Variants in CCDC149 observed in about 807,000 individuals in gnomAD.
The protein encoded by CCDC149 is coiled-coil domain containing 149.
Under a neutral mutation model 59.9 loss-of-function variants are expected in CCDC149, and 45 were observed. The observed-to-expected ratio is 0.75, with a 90% CI of 0.59 to 0.96. The LOEUF (loss-of-function observed/expected upper bound fraction) is 0.96, where lower values mean the gene tolerates loss of function less well. CCDC149 is among the 40% of genes least tolerant of loss of function. CCDC149 has a pLI of 0.00. For missense variants in CCDC149, 584 were observed against 664.7 expected (o/e 0.88, Z 1.33); for synonymous variants, 245 against 260.6 (o/e 0.94, Z 0.58).
intron 1 of CCDC149, among the ~76,000 whole-genome samples, chr4:24,881,869 G>A (rs190617534): frequency 6.6e-6 from 1 of 152,166 alleles, no homozygotes; most frequent in Non-Finnish European, 1.5e-5. Flanking sequence ...AGGAAGTGAG[G>A]CTTAAATGAA....
intron 1 of CCDC149, among the ~76,000 whole-genome samples, chr4:24,935,862 T>G (rs1722724653): frequency 6.6e-6 from 1 of 152,120 alleles, no homozygotes; most frequent in Non-Finnish European, 1.5e-5. Flanking sequence ...TAGCTGGTAT[T>G]TAAAACCATG....
chr4:24,955,793 A>G (rs982765051), intron 1 of CCDC149, among the ~76,000 whole-genome samples: 1 of 152,196 alleles, frequency 6.6e-6, no homozygotes, highest in Non-Finnish European at 1.5e-5. Context: ...AGAGTGATGG[A>G]GATATGGTGG....
chr4:24,847,286 T>C (rs1160704571), intron 4 of CCDC149, among the ~76,000 whole-genome samples: 2 of 152,188 alleles, frequency 1.3e-5, no homozygotes, highest in African/African-American at 2.4e-5. Context: ...CAGCAACACT[T>C]ACCCTCTGTT....
Position 24,808,265 on chromosome 4 carries a change from G to A in CCDC149, c.*124C>T, listed in dbSNP as rs1238728044. 9.6e-6 allele frequency: 8 copies of A among 837,644 alleles called. No individual in the cohort carries two copies. The highest frequency in any genetic ancestry group is 3.6e-5 in the Admixed American group (1 of 27,854). 51.9% of individuals were successfully genotyped at this position (837,644 alleles called of 1,614,324 possible). A position where few individuals can be genotyped will look rare whatever the true frequency, so the allele number is the denominator to read the frequency against. On this transcript the variant is annotated 3_prime_UTR_variant, in exon 13 of 13. Coordinates refer to ENST00000635206, the MANE Select transcript of CCDC149 (RefSeq NM_001330643.2). ...TCACAGTTTGCAACAGGATCAGTGC[G>A]TTTTCTCACTTGCAGACTCGGAGGT...
chr4:24,952,556 A>G, intron 1 of CCDC149, among the ~76,000 whole-genome samples: 1 of 138,424 alleles, frequency 7.2e-6, no homozygotes, highest in Non-Finnish European at 1.5e-5. Flanking sequence ...AGATCACACT[A>G]CTGCACTCCA....
intron 1 of CCDC149, among the ~76,000 whole-genome samples, chr4:24,931,846 T>C (rs867736969): frequency 7.4e-6 from 1 of 135,910 alleles, no homozygotes; most frequent in African/African-American, 2.8e-5. Context: ...TATATATATA[T>C]ATATATGCAT....
At chr4:24,838,066 C>A in intron 5 of CCDC149, 90 bp downstream of exon 5, 2 of 1,029,528 alleles carry the variant, frequency 1.9e-6, no homozygotes, top group Non-Finnish European at 3.1e-6. Flanking sequence ...ACCCCATACT[C>A]TGAGAAACGA....
At chr4:24,886,996 A>G (rs1720222096) in intron 1 of CCDC149, among the ~76,000 whole-genome samples, 1 of 151,998 alleles carries the variant, frequency 6.6e-6, no homozygotes, top group African/African-American at 2.4e-5. Flanking sequence ...TTTCAATTAC[A>G]TTTTTAAAGC....
chr4:24,813,343 T>A (rs1714753345), intron 12 of CCDC149, among the ~76,000 whole-genome samples: 1 of 151,748 alleles, frequency 6.6e-6, no homozygotes, highest in Non-Finnish European at 1.5e-5. Flanking sequence ...TGGTAGTCTG[T>A]TACAGCAGCC....
At chr4:24,894,218 C>T (rs1232964878) in intron 1 of CCDC149, among the ~76,000 whole-genome samples, 1 of 152,094 alleles carries the variant, frequency 6.6e-6, no homozygotes, top group African/African-American at 2.4e-5. Flanking sequence ...TTGAAAATTA[C>T]ATTAAAAAAT....
chr4:24,809,139 A>G (rs951135994), intron 12 of CCDC149, among the ~76,000 whole-genome samples: 2 of 152,134 alleles, frequency 1.3e-5, no homozygotes, highest in Non-Finnish European at 2.9e-5. Flanking sequence ...CCCATTAAAT[A>G]TTTAAATTGA....
In CCDC149 at chr4:24,835,066, C is replaced by A. The variant is rs371344940; in HGVS notation, c.736-34G>T. 11 of 1,520,562 alleles carry A rather than the reference C, an allele frequency of 7.2e-6. No homozygotes were observed. The African/African-American group carries it at 1.4e-4, about 19-fold the overall frequency. The allele number at this position is 1,520,562 out of a possible 1,614,324, so 94.2% of individuals were successfully genotyped here. A position where few individuals can be genotyped will look rare whatever the true frequency, so the allele number is the denominator to read the frequency against. ...GGATTGGGAGAGAATAAAAACCCGT[C>A]AGAAAAGCCAACAATGGAAAAGTAC... On this transcript the variant is annotated intron_variant, in intron 7 of 12. Transcript: ENST00000635206.
chr4:24,942,182 A>G (rs1456298703), intron 1 of CCDC149, among the ~76,000 whole-genome samples: 1 of 152,230 alleles, frequency 6.6e-6, no homozygotes. Flanking sequence ...GCAACACATC[A>G]AAAAGCTTAT....
chr4:24,941,691 G>A (rs534071691), intron 1 of CCDC149, among the ~76,000 whole-genome samples: 5 of 151,864 alleles, frequency 3.3e-5, no homozygotes, highest in African/African-American at 4.8e-5. Context: ...TCAAATAGAC[G>A]CAATAAAAAA....
rs890560670 is a variant in CCDC149, at chr4:24,807,471, A to G, written c.*918T>C. ...CTGTTGAAGGAGTGAAGGGTTTGGA[A>G]GTTCCAGGTGGTGCAGGAAACTAGA... On this transcript the variant is annotated 3_prime_UTR_variant, in exon 13 of 13. Coordinates refer to ENST00000635206, the MANE Select transcript of CCDC149 (RefSeq NM_001330643.2). 4 of 152,208 alleles carry G rather than the reference A, an allele frequency of 2.6e-5. No homozygotes were observed. Among genetic ancestry groups the G allele is most frequent in the African/African-American group, 9.7e-5 (4 of 41,442 alleles). The allele number at this position is 152,208 out of a possible 1,614,324, so 9.4% of individuals were successfully genotyped here. A position where few individuals can be genotyped will look rare whatever the true frequency, so the allele number is the denominator to read the frequency against.
At chr4:24,854,232 A>G (rs892237825) in intron 3 of CCDC149, among the ~76,000 whole-genome samples, 4 of 152,110 alleles carry the variant, frequency 2.6e-5, no homozygotes, top group Admixed American at 2.6e-4. Context: ...CTCCCATACT[A>G]TTCTTACTTT....
Position 24,836,899 on chromosome 4 carries a change from G to T in CCDC149, c.662+329C>A, listed in dbSNP as rs370102169. On this transcript the variant is annotated intron_variant, in intron 6 of 12. Transcript: ENST00000635206. Reference sequence around the variant, plus strand: ...CCTCAGGGAAAAGAAACGGCTAAGGGAATTTCTCAATTCATTTTCTTATTC... The same window carrying T: ...CCTCAGGGAAAAGAAACGGCTAAGGTAATTTCTCAATTCATTTTCTTATTC... 1.9e-4 allele frequency among the ~76,000 whole-genome samples: 29 copies of T among 152,214 alleles called. No homozygotes were observed. The East Asian group carries it at 1.9e-3, about 10-fold the overall frequency.
At chr4:24,969,365 A>G (rs752493883) in intron 1 of CCDC149, among the ~76,000 whole-genome samples, 8 of 152,204 alleles carry the variant, frequency 5.3e-5, no homozygotes, top group African/African-American at 1.9e-4. Flanking sequence ...GCCCTGCAAC[A>G]TTTATGTGGC....
intron 4 of CCDC149, among the ~76,000 whole-genome samples, chr4:24,846,023 A>T (rs188049630): frequency 6.6e-4 from 101 of 152,326 alleles, no homozygotes; most frequent in Non-Finnish European, 1.0e-3. Context: ...CTCCACTAGG[A>T]AGTGTAATTA....
Sources: gnomAD v4.1 joint callset for allele counts (sites outside exome capture counted in the v4.1 genomes callset) on GRCh38, gnomAD v4.1.1 for gene constraint, MANE v1.5 for transcripts, NCBI Gene and HGNC (gene_info 2026-07-23, HGNC 2026-07-21) for gene names.